Variants in SNX29 observed in about 807,000 individuals in gnomAD.
SNX29 encodes the protein sorting nexin 29, also known as sorting nexin-29.
In SNX29, 78 loss-of-function variants were observed where a neutral mutation model predicts 102.1. That is an observed-to-expected ratio of 0.76 (90% CI 0.64 to 0.92). SNX29 has a LOEUF of 0.92. SNX29 is among the 40% of genes least tolerant of loss of function. SNX29 has a pLI of 0.00. For missense variants in SNX29, 1,280 were observed against 1,061.7 expected (o/e 1.21, Z -2.86); for synonymous variants, 580 against 414.5 (o/e 1.40, Z -4.85).
At chr16:12,542,598 C>G (rs952911791) in intron 20 of SNX29, among the ~76,000 whole-genome samples, 5 of 152,220 alleles carry the variant, frequency 3.3e-5, no homozygotes, top group Admixed American at 6.5e-5. Flanking sequence ...TCCCAAAGTG[C>G]TGGGATTACA....
At chr16:12,254,190 G>A (rs1036428934) in intron 14 of SNX29, among the ~76,000 whole-genome samples, 7 of 152,162 alleles carry the variant, frequency 4.6e-5, no homozygotes, top group Non-Finnish European at 1.0e-4. Context: ...GGTATCAAGA[G>A]TTCAGTTAGT....
At chr16:12,561,031 G>A (rs1206941899) in intron 20 of SNX29, 4 of 222,028 alleles carry the variant, frequency 1.8e-5, no homozygotes, top group African/African-American at 4.5e-5. Context: ...AAGTCTTGGA[G>A]ACCCATTTCA....
At chr16:12,529,405 G>A (rs769330002) in intron 20 of SNX29, among the ~76,000 whole-genome samples, 12 of 152,324 alleles carry the variant, frequency 7.9e-5, no homozygotes, top group African/African-American at 7.2e-5. Flanking sequence ...GTGAGGTACC[G>A]TTCGTGGAGG....
chr16:12,536,720 G>A (rs539371082), intron 20 of SNX29, among the ~76,000 whole-genome samples: 52 of 152,336 alleles, frequency 3.4e-4, no homozygotes, highest in African/African-American at 1.2e-3. Context: ...GCTCACGCCT[G>A]TAATCTCAAC....
intron 14 of SNX29, among the ~76,000 whole-genome samples, chr16:12,203,242 GTATTGGAGGTGA>G (rs2076959537): frequency 6.6e-6 from 1 of 151,806 alleles, no homozygotes; most frequent in Non-Finnish European, 1.5e-5. Flanking sequence ...TGGACTGGTG[GTATTGGAGGTGA>G]CATTTCTGAA....
At chr16:12,097,534 C>A (rs1485935493) in intron 11 of SNX29, among the ~76,000 whole-genome samples, 1 of 126,412 alleles carries the variant, frequency 7.9e-6, no homozygotes, top group Non-Finnish European at 1.6e-5. Flanking sequence ...TGGTTTGGGC[C>A]ACACATGATT....
intron 13 of SNX29, among the ~76,000 whole-genome samples, chr16:12,188,534 A>G (rs1038715894): frequency 6.6e-6 from 1 of 152,056 alleles, no homozygotes; most frequent in South Asian, 2.1e-4. Flanking sequence ...TGCACCCAGG[A>G]TATTTTGGGT....
At chr16:12,100,949 G>A (rs1335564562) in intron 11 of SNX29, among the ~76,000 whole-genome samples, 3 of 152,102 alleles carry the variant, frequency 2.0e-5, no homozygotes, top group Admixed American at 6.5e-5. Flanking sequence ...GATGACCTTT[G>A]GGTTTTCTCC....
chr16:12,503,807 C>A (rs1344703686), intron 19 of SNX29, among the ~76,000 whole-genome samples: 1 of 152,190 alleles, frequency 6.6e-6, no homozygotes, highest in African/African-American at 2.4e-5. Flanking sequence ...AGAGCTTCTC[C>A]TTTCTAATAG....
chr16:12,545,825 C>G (rs1035962589), intron 20 of SNX29, among the ~76,000 whole-genome samples: 1 of 152,078 alleles, frequency 6.6e-6, no homozygotes, highest in Non-Finnish European at 1.5e-5. Context: ...ACTCTCCAGA[C>G]CTGTGGGGGA....
intron 15 of SNX29, among the ~76,000 whole-genome samples, chr16:12,302,539 G>A (rs1271032484): frequency 6.6e-6 from 1 of 152,152 alleles, no homozygotes; most frequent in Non-Finnish European, 1.5e-5. Flanking sequence ...TTCTTGCCAT[G>A]TTCTCACATC....
chr16:12,286,968 A>G (rs1596765071), intron 15 of SNX29, among the ~76,000 whole-genome samples: 1 of 152,186 alleles, frequency 6.6e-6, no homozygotes, highest in African/African-American at 2.4e-5. Context: ...TGCTAGTCCC[A>G]TTGATTCTTG....
At chr16:12,251,943 T>C (rs1489707938) in intron 14 of SNX29, among the ~76,000 whole-genome samples, 1 of 151,982 alleles carries the variant, frequency 6.6e-6, no homozygotes, top group African/African-American at 2.4e-5. Context: ...AAAACTTTGT[T>C]AGAGATGAGG....
chr16:12,473,262 G>T (rs574945085), intron 18 of SNX29, among the ~76,000 whole-genome samples: 1 of 152,222 alleles, frequency 6.6e-6, no homozygotes, highest in Non-Finnish European at 1.5e-5. Context: ...CACTGTTGTT[G>T]TGGATCAGCC....
chr16:12,382,931 C>G (rs1372834326), intron 16 of SNX29, among the ~76,000 whole-genome samples: 2 of 152,124 alleles, frequency 1.3e-5, no homozygotes, highest in Non-Finnish European at 2.9e-5. Flanking sequence ...ATGTTCTCAT[C>G]TCAAGAGTCT....
chr16:12,116,938 G>C (rs952111750), intron 11 of SNX29, among the ~76,000 whole-genome samples: 1 of 151,986 alleles, frequency 6.6e-6, no homozygotes, highest in Non-Finnish European at 1.5e-5. Context: ...CAACGAGGAC[G>C]AACCATGGAA....
intron 1 of SNX29, among the ~76,000 whole-genome samples, chr16:11,998,036 C>T (rs1178702332): frequency 5.9e-5 from 9 of 152,146 alleles, no homozygotes; most frequent in Non-Finnish European, 1.0e-4. Flanking sequence ...ATGTAGGATG[C>T]GCCCAGCACA....
chr16:12,266,615 A>G (rs955912055), intron 14 of SNX29, among the ~76,000 whole-genome samples: 1 of 149,252 alleles, frequency 6.7e-6, no homozygotes, highest in African/African-American at 2.5e-5. Flanking sequence ...GATAGAGCCA[A>G]AATTTGAACC....
chr16:12,538,146 C>T (rs989750120), intron 20 of SNX29, among the ~76,000 whole-genome samples: 2 of 151,966 alleles, frequency 1.3e-5, no homozygotes, highest in Non-Finnish European at 2.9e-5. Context: ...GACGGAGTCT[C>T]ACTCTGTCAC....
Sources: gnomAD v4.1 joint callset for allele counts (sites outside exome capture counted in the v4.1 genomes callset) on GRCh38, gnomAD v4.1.1 for gene constraint, MANE v1.5 for transcripts, NCBI Gene and HGNC (gene_info 2026-07-23, HGNC 2026-07-21) for gene names.